SRFBP1: variants seen among roughly 807,000 people sequenced by gnomAD.
The protein encoded by SRFBP1 is serum response factor binding protein 1.
SRFBP1 carries 47 observed loss-of-function variants against 45.5 expected under a neutral mutation model. The ratio of observed to expected loss-of-function variants is 1.03; its 90% CI spans 0.82 to 1.32. The LOEUF is 1.32. Ranked by LOEUF, SRFBP1 falls within the 40% of genes most tolerant of loss-of-function variation. The probability of loss-of-function intolerance (pLI) is 0.00; values close to 1 mark genes in which losing one functional copy is unlikely to be tolerated. For missense variants in SRFBP1, 621 were observed against 484.6 expected, an observed-to-expected ratio of 1.28 and a Z score of -2.64; for synonymous variants, 203 against 166.3, an observed-to-expected ratio of 1.22 and a Z score of -1.70.
chr5:122,077,097 G>A, downstream of SRFBP1: 1 of 1,531,158 alleles, frequency 6.5e-7, no homozygotes, highest in Non-Finnish European at 8.7e-7. This position sits in a 1 kb window ranked among gnomAD's most constrained non-coding sequence, Gnocchi z 4.9. Context: ...CTCACCCTTC[G>A]CCCACCGGGA....
chr5:122,024,146 T>C (rs1165363175), intron 7 of SRFBP1, among the ~76,000 whole-genome samples: 2 of 152,228 alleles, frequency 1.3e-5, no homozygotes, highest in Non-Finnish European at 2.9e-5. Context: ...TGTAGTGCAT[T>C]GTCAAGGACA....
chr5:122,046,825 T>C (rs1753868238), intron 2 of SRFBP1, among the ~76,000 whole-genome samples: 1 of 152,236 alleles, frequency 6.6e-6, no homozygotes. Context: ...TCATGTGTCT[T>C]TTGGCTGCAT....
intron 3 of SRFBP1, among the ~76,000 whole-genome samples, chr5:121,976,324 T>A (rs1440794337): frequency 6.6e-6 from 1 of 151,920 alleles, no homozygotes; most frequent in African/African-American, 2.4e-5. Context: ...ATTATAAAAT[T>A]CATGGAATCC....
chr5:121,980,473 TC>T (rs1752386627), intron 3 of SRFBP1, among the ~76,000 whole-genome samples: 1 of 152,182 alleles, frequency 6.6e-6, no homozygotes, highest in Non-Finnish European at 1.5e-5. Context: ...TGTGGCTACA[TC>T]CGTTAAAACG....
intron 4 of SRFBP1, among the ~76,000 whole-genome samples, chr5:121,998,916 A>G (rs1752794915): frequency 1.3e-5 from 2 of 152,110 alleles, no homozygotes; most frequent in Admixed American, 6.6e-5. Flanking sequence ...ATTCCCTTTT[A>G]TAATTTGTAC....
intron 2 of SRFBP1, among the ~76,000 whole-genome samples, chr5:122,058,739 A>G (rs534852754): frequency 6.6e-6 from 1 of 152,110 alleles, no homozygotes; most frequent in African/African-American, 2.4e-5. Context: ...TTGGCCTCTC[A>G]TGTTGTTGGG....
intron 6 of SRFBP1, among the ~76,000 whole-genome samples, chr5:122,021,559 G>T (rs1279960992): frequency 6.7e-6 from 1 of 149,838 alleles, no homozygotes; most frequent in Non-Finnish European, 1.5e-5. Flanking sequence ...GTGGAGTGTT[G>T]AAATAATTAA....
intron 7 of SRFBP1, among the ~76,000 whole-genome samples, chr5:122,024,850 A>G (rs1299952355): frequency 1.3e-5 from 2 of 152,234 alleles, no homozygotes; most frequent in East Asian, 1.9e-4. Context: ...GTTTATTTAC[A>G]TATACAACTC....
intron 2 of SRFBP1, among the ~76,000 whole-genome samples, chr5:122,047,624 A>C (rs1580543639): frequency 6.6e-6 from 1 of 152,154 alleles, no homozygotes; most frequent in Non-Finnish European, 1.5e-5. Flanking sequence ...TTGAATCTAT[A>C]AATTACCTTG....
intron 2 of SRFBP1, among the ~76,000 whole-genome samples, chr5:122,047,182 C>A (rs1351881710): frequency 6.6e-6 from 1 of 152,062 alleles, no homozygotes; most frequent in Non-Finnish European, 1.5e-5. Flanking sequence ...GGTTTTAGGT[C>A]TAACATTTAA....
chr5:122,010,266 A>G (rs1028091425), intron 4 of SRFBP1, among the ~76,000 whole-genome samples: 3 of 151,998 alleles, frequency 2.0e-5, no homozygotes, highest in Non-Finnish European at 2.9e-5. Flanking sequence ...AGTTCTACAT[A>G]GTTTTCCTTT....
intron 1 of SRFBP1, among the ~76,000 whole-genome samples, chr5:121,968,365 T>C (rs1752117529): frequency 6.6e-6 from 1 of 152,032 alleles, no homozygotes; most frequent in Admixed American, 6.6e-5. Context: ...ATTATGCTAC[T>C]CAGAGTGGTG....
intron 1 of SRFBP1, among the ~76,000 whole-genome samples, chr5:121,967,271 G>A (rs931064771): frequency 2.0e-5 from 3 of 152,118 alleles, no homozygotes; most frequent in Non-Finnish European, 4.4e-5. Context: ...GTTACAAAAC[G>A]CTTGTGTCGT....
intron 2 of SRFBP1, among the ~76,000 whole-genome samples, chr5:122,050,883 C>T (rs1384817103): frequency 6.6e-6 from 1 of 152,086 alleles, no homozygotes. Context: ...TTAATGTGGG[C>T]ATTTAGTACT....
chr5:122,077,235 G>GT, downstream of SRFBP1: 1 of 1,512,338 alleles, frequency 6.6e-7, no homozygotes, highest in South Asian at 1.3e-5. The surrounding 1 kb of genome is among the most constrained non-coding windows in gnomAD (Gnocchi z 4.9). Context: ...CTGCAGGCGC[G>GT]TGGGGGAGGG....
intron 4 of SRFBP1, among the ~76,000 whole-genome samples, chr5:122,016,365 A>G (rs1487952755): frequency 6.6e-6 from 1 of 152,102 alleles, no homozygotes; most frequent in East Asian, 1.9e-4. Context: ...GTGTGGAAGT[A>G]TTTTTCTTCT....
At chr5:121,995,082 A>G (rs1181541734) in intron 4 of SRFBP1, among the ~76,000 whole-genome samples, 1 of 151,598 alleles carries the variant, frequency 6.6e-6, no homozygotes, top group African/African-American at 2.4e-5. Context: ...TTAACACCCC[A>G]CTGTCAACAT....
At chr5:122,035,037 G>T (rs1360743743) in intron 2 of SRFBP1, among the ~76,000 whole-genome samples, 5 of 151,198 alleles carry the variant, frequency 3.3e-5, no homozygotes, top group African/African-American at 4.9e-5. Flanking sequence ...CAGGGATACA[G>T]GTTTTTTTTT....
At chr5:121,991,930 C>T (rs966810937) in intron 3 of SRFBP1, among the ~76,000 whole-genome samples, 4 of 152,078 alleles carry the variant, frequency 2.6e-5, no homozygotes, top group African/African-American at 9.7e-5. Context: ...CCAAATGCAT[C>T]TATATTTTAC....
Sources: gnomAD v4.1 joint callset for allele counts (sites outside exome capture counted in the v4.1 genomes callset) on GRCh38, gnomAD v4.1.1 for gene constraint, Gnocchi (gnomAD v3.1) non-coding constraint, MANE v1.5 for transcripts, NCBI Gene and HGNC (gene_info 2026-07-23, HGNC 2026-07-21) for gene names.